The following VAV3 variants were observed in gnomAD, a reference collection of about 807,000 sequenced individuals.
The protein encoded by VAV3 is vav guanine nucleotide exchange factor 3.
VAV3 carries 94 observed loss-of-function variants against 131.2 expected under a neutral mutation model. The observed-to-expected ratio is 0.72, with a 90% CI of 0.61 to 0.85. The LOEUF is 0.85. VAV3 is among the 40% of genes least tolerant of loss of function. The pLI is 0.00. For synonymous variants in VAV3, 349 were observed against 342.0 expected (o/e 1.02, Z -0.22); for missense variants, 939 against 1,002.7 (o/e 0.94, Z 0.86).
intron 17 of VAV3, 54 bp downstream of exon 17, chr1:107,704,485 TAATTATGTTTA>T (rs1320031507): frequency 7.7e-7 from 1 of 1,300,544 alleles, no homozygotes; most frequent in Non-Finnish European, 1.1e-6. Context: ...AATTAGGCCT[TAATTATGTTTA>T]GCAAATTTTA....
At position 107,919,147 on chromosome 1, in the gene VAV3, A is replaced by G. The variant is rs534589633; in HGVS notation, c.205-44130T>C. 9.8e-5 allele frequency among the ~76,000 whole-genome samples: 15 copies of G among 152,360 alleles called. No homozygotes were observed. In the South Asian group the frequency reaches 3.1e-3, roughly 32 times the overall value. On this transcript the variant is annotated intron_variant, in intron 1 of 26. Coordinates refer to ENST00000370056, the MANE Select transcript of VAV3 (RefSeq NM_006113.5). The stretch of plus-strand genomic sequence containing the variant: ...GAAATATACTCAATAGTTATTCTAA[A>G]AACAAAACTTACATTTACCTTTAGA...
chr1:107,593,729 C>T (rs1265962666), intron 25 of VAV3, among the ~76,000 whole-genome samples: 3 of 151,928 alleles, frequency 2.0e-5, no homozygotes, highest in Non-Finnish European at 4.4e-5. Context: ...TAAGGGTGAG[C>T]TTTTATCAAG....
At chr1:107,753,787 T>G (rs1240668472) in intron 12 of VAV3, among the ~76,000 whole-genome samples, 10 of 151,922 alleles carry the variant, frequency 6.6e-5, no homozygotes, top group Admixed American at 6.6e-4. Context: ...CTTAAACTCC[T>G]GACCTCAGGT....
chr1:107,772,862 T>C lies in VAV3; in HGVS notation c.447-19A>G, dbSNP rs199989395. The C allele has an allele frequency of 3.3e-4, 534 of 1,598,730 alleles. No homozygotes were observed. The African/African-American group carries it at 6.7e-3, about 20-fold the overall frequency. On this transcript the variant is annotated intron_variant, in intron 4 of 26. Coordinates refer to ENST00000370056, the MANE Select transcript of VAV3 (RefSeq NM_006113.5). ...GGTTTCACTACAACAAAGGATATCA[T>C]ATAAGGTCATTTTCTATTATGCAGT...
intron 19 of VAV3, among the ~76,000 whole-genome samples, chr1:107,656,472 G>C (rs1394431066): frequency 8.5e-5 from 13 of 152,262 alleles, no homozygotes; most frequent in Admixed American, 2.0e-4. Context: ...TGGGGTAGTA[G>C]GTAGCAGATG....
chr1:107,635,387 G>T (rs1012411270), intron 20 of VAV3, among the ~76,000 whole-genome samples: 6 of 146,186 alleles, frequency 4.1e-5, no homozygotes, highest in Non-Finnish European at 8.9e-5. Context: ...ACCAAACACC[G>T]CATGTTCTCA....
chr1:107,923,046 A>C (rs1462961305), intron 1 of VAV3, among the ~76,000 whole-genome samples: 3 of 152,018 alleles, frequency 2.0e-5, no homozygotes, highest in African/African-American at 4.8e-5. Context: ...CAAGGGAGTG[A>C]ACATTTCCAT....
At chr1:107,925,272 AACT>A (rs1282451748) in intron 1 of VAV3, among the ~76,000 whole-genome samples, 1 of 152,222 alleles carries the variant, frequency 6.6e-6, no homozygotes, top group Admixed American at 6.5e-5. Flanking sequence ...ATCCTATGCT[AACT>A]ACATAGGAGA....
intron 1 of VAV3, among the ~76,000 whole-genome samples, chr1:107,893,793 A>C (rs530497742): frequency 1.3e-5 from 2 of 152,316 alleles, no homozygotes; most frequent in South Asian, 4.1e-4. Flanking sequence ...TAAGAAACTT[A>C]TTTTTTAAAG....
rs60249796 is a variant in VAV3, at chr1:107,645,321, A to AT, written c.1778-2567dup. On this transcript the variant is annotated intron_variant, in intron 19 of 26. Transcript: ENST00000370056. ...GTGAGTTTATGATATAATGGAATGT[A>AT]TTTTTTTTTTTTTTGGTCATTTGTT... 5.9e-3 allele frequency among the ~76,000 whole-genome samples: 878 copies of AT among 148,350 alleles called. 12 individuals carry two copies. Among genetic ancestry groups the AT allele is most frequent in the African/African-American group, 0.021 (834 of 40,304 alleles).
At chr1:107,759,517 C>A (rs1279135348) in intron 10 of VAV3, among the ~76,000 whole-genome samples, 1 of 152,004 alleles carries the variant, frequency 6.6e-6, no homozygotes, top group African/African-American at 2.4e-5. Context: ...AATTTCTAGA[C>A]AACAAATAAA....
At chr1:107,757,714 A>G (rs1045500171) in intron 10 of VAV3, among the ~76,000 whole-genome samples, 1 of 152,084 alleles carries the variant, frequency 6.6e-6, no homozygotes. Flanking sequence ...GGACATCAGG[A>G]TGTTCTATTT....
intron 1 of VAV3, among the ~76,000 whole-genome samples, chr1:107,936,184 T>A (rs570704769): frequency 1.3e-5 from 2 of 152,224 alleles, no homozygotes; most frequent in African/African-American, 4.8e-5. Context: ...ACCCACAATT[T>A]TTTTTAGTAC....
intron 6 of VAV3, 53 bp from the exon 7 acceptor site, chr1:107,768,562 T>A (rs1664863591): frequency 7.0e-7 from 1 of 1,427,478 alleles, no homozygotes; most frequent in Non-Finnish European, 9.7e-7. Context: ...TCCTAATCTA[T>A]ATAATAGTTT....
At chr1:107,798,132 G>A (rs776288560) in intron 2 of VAV3, among the ~76,000 whole-genome samples, 17 of 152,196 alleles carry the variant, frequency 1.1e-4, no homozygotes, top group Non-Finnish European at 2.1e-4. Flanking sequence ...AGGTTTATCA[G>A]ATGTAGTCTT....
chr1:107,594,207 A>T (rs1651187447), intron 25 of VAV3, among the ~76,000 whole-genome samples: 1 of 152,024 alleles, frequency 6.6e-6, no homozygotes, highest in Non-Finnish European at 1.5e-5. Context: ...CACTCTATAT[A>T]AAAATATGAA....
At chr1:107,714,281 A>C (rs980789026) in intron 15 of VAV3, among the ~76,000 whole-genome samples, 1 of 152,096 alleles carries the variant, frequency 6.6e-6, no homozygotes, top group African/African-American at 2.4e-5. Flanking sequence ...CTTCCCTTAG[A>C]ATTACCAATT....
At chr1:107,651,687 C>T (rs749148244) in intron 19 of VAV3, among the ~76,000 whole-genome samples, 42 of 151,936 alleles carry the variant, frequency 2.8e-4, no homozygotes, top group Non-Finnish European at 4.7e-4. Context: ...TTCATTTCTA[C>T]CTCCCAGTTC....
At chr1:107,875,345 G>C (rs775289855) in intron 1 of VAV3, among the ~76,000 whole-genome samples, 1 of 152,146 alleles carries the variant, frequency 6.6e-6, no homozygotes, top group Non-Finnish European at 1.5e-5. Context: ...AATAAAACCT[G>C]GAGGAGGGAT....
Sources: gnomAD v4.1 joint callset for allele counts (sites outside exome capture counted in the v4.1 genomes callset) on GRCh38, gnomAD v4.1.1 for gene constraint, MANE v1.5 for transcripts, NCBI Gene and HGNC (gene_info 2026-07-23, HGNC 2026-07-21) for gene names.